DENND1A: variants seen among roughly 807,000 people sequenced by gnomAD.
DENND1A encodes the protein DENN domain-containing protein 1A.
DENND1A carries 51 observed loss-of-function variants against 113.7 expected under a neutral mutation model. The observed-to-expected ratio is 0.45, with a 90% CI of 0.36 to 0.57. The LOEUF (loss-of-function observed/expected upper bound fraction) is 0.57. DENND1A is among the 20% of genes least tolerant of loss of function. The pLI, the probability that DENND1A is intolerant of heterozygous loss-of-function variation, is 0.00. For missense variants in DENND1A, 1,258 were observed against 1,395.9 expected, an observed-to-expected ratio of 0.90 and a Z score of 1.57; for synonymous variants, 565 against 570.8, an observed-to-expected ratio of 0.99 and a Z score of 0.14.
intron 10 of DENND1A, among the ~76,000 whole-genome samples, chr9:123,622,313 A>C (rs2061002293): frequency 6.6e-6 from 1 of 152,248 alleles, no homozygotes; most frequent in African/African-American, 2.4e-5. Flanking sequence ...ATTCAAGTTG[A>C]GAATTGATTT....
chr9:123,909,171 G>A (rs1401892746), intron 1 of DENND1A, among the ~76,000 whole-genome samples: 1 of 152,010 alleles, frequency 6.6e-6, no homozygotes, highest in Non-Finnish European at 1.5e-5. Flanking sequence ...ACACAGGAAG[G>A]GGAATATCAC....
chr9:123,742,261 A>C (rs2131114987), intron 5 of DENND1A, among the ~76,000 whole-genome samples: 1 of 151,758 alleles, frequency 6.6e-6, no homozygotes, highest in African/African-American at 2.4e-5. Context: ...GGCTATGCTT[A>C]GATTGGAGCT....
At chr9:123,878,665 T>C (rs774377854) in intron 2 of DENND1A, among the ~76,000 whole-genome samples, 15 of 152,176 alleles carry the variant, frequency 9.9e-5, no homozygotes, top group East Asian at 1.9e-4. Flanking sequence ...TCACACTAAA[T>C]AGTTGACTTC....
intron 19 of DENND1A, chr9:123,414,619 G>C: frequency 6.5e-7 from 1 of 1,549,870 alleles, no homozygotes; most frequent in African/African-American, 1.4e-5. Flanking sequence ...GGTGAGTCTT[G>C]CAAGAAAAAA....
At chr9:123,908,783 A>G (rs954663140) in intron 1 of DENND1A, among the ~76,000 whole-genome samples, 11 of 152,190 alleles carry the variant, frequency 7.2e-5, no homozygotes, top group African/African-American at 2.7e-4. Context: ...TGTGGAAGTC[A>G]GTGTGGAGAT....
At chr9:123,758,585 A>G (rs2070771644) in intron 4 of DENND1A, among the ~76,000 whole-genome samples, 1 of 152,192 alleles carries the variant, frequency 6.6e-6, no homozygotes, top group Admixed American at 6.5e-5. Context: ...TTTATGAGAA[A>G]CATATTTCCT....
chr9:123,693,413 A>G (rs781708484), intron 5 of DENND1A, among the ~76,000 whole-genome samples: 7 of 152,190 alleles, frequency 4.6e-5, no homozygotes, highest in Non-Finnish European at 8.8e-5. Flanking sequence ...GAACACTTCC[A>G]TCACACCCCA....
intron 10 of DENND1A, among the ~76,000 whole-genome samples, chr9:123,616,256 C>CA (rs1038658650): frequency 6.6e-6 from 1 of 152,192 alleles, no homozygotes; most frequent in Admixed American, 6.5e-5. Flanking sequence ...AAGGTATTCT[C>CA]AAAAACGTGC....
intron 3 of DENND1A, among the ~76,000 whole-genome samples, chr9:123,789,644 C>T (rs780470227): frequency 2.6e-5 from 4 of 152,260 alleles, no homozygotes; most frequent in South Asian, 4.1e-4. Flanking sequence ...TCCGGGACCA[C>T]AGATTTGTAA....
chr9:123,821,787 A>G (rs1167345077), intron 2 of DENND1A, among the ~76,000 whole-genome samples: 1 of 152,224 alleles, frequency 6.6e-6, no homozygotes, highest in Non-Finnish European at 1.5e-5. Context: ...TATGCAGAGG[A>G]CAAGCACACA....
At chr9:123,404,088 G>C (rs1307136901) in intron 20 of DENND1A, among the ~76,000 whole-genome samples, 1 of 152,162 alleles carries the variant, frequency 6.6e-6, no homozygotes, top group East Asian at 1.9e-4. Flanking sequence ...TGCCCATCTT[G>C]TGTAGCTACA....
At chr9:123,925,767 G>A (rs981885455) in intron 1 of DENND1A, among the ~76,000 whole-genome samples, 4 of 152,148 alleles carry the variant, frequency 2.6e-5, no homozygotes, top group Admixed American at 2.6e-4. Flanking sequence ...AGTTTGACAG[G>A]GACAGAAGAC....
chr9:123,888,192 G>A (rs1354256474), intron 1 of DENND1A, among the ~76,000 whole-genome samples: 1 of 152,134 alleles, frequency 6.6e-6, no homozygotes, highest in African/African-American at 2.4e-5. Context: ...GTGCCAGGAA[G>A]CAAAGAAGTG....
rs2050281911 is a variant in DENND1A, at chr9:123,480,904, C to T, written c.994-23007G>A. ...GGATACCAAGATAGTTTCAAACAGA[C>T]ATACACTGTCCCAGAATTCTTCCTG... On this transcript the variant is annotated intron_variant, in intron 13 of 23. Coordinates refer to ENST00000394215, the MANE Select transcript of DENND1A (RefSeq NM_001352964.2). Among the ~76,000 whole-genome samples, 4 of 152,248 alleles carry T rather than the reference C, an allele frequency of 2.6e-5. No individual in the cohort carries two copies. The South Asian group carries it at 6.2e-4, about 24-fold the overall frequency.
At chr9:123,607,280 G>T (rs2060196403) in intron 11 of DENND1A, among the ~76,000 whole-genome samples, 1 of 151,610 alleles carries the variant, frequency 6.6e-6, no homozygotes, top group Non-Finnish European at 1.5e-5. Flanking sequence ...AAAGCAAAGT[G>T]TCAATGAAGG....
rs1316920067 is a variant in DENND1A, at chr9:123,749,043, G to A, written c.302+8660C>T. ...ATGTGACTCCTTGACACTAACCAGG[G>A]GCTACTGAGTCTTGAAAAAACATTA... On this transcript the variant is annotated intron_variant, in intron 5 of 23. Coordinates refer to ENST00000394215, the MANE Select transcript of DENND1A (RefSeq NM_001352964.2). 5.3e-5 allele frequency among the ~76,000 whole-genome samples: 8 copies of A among 152,240 alleles called. No individual in the cohort carries two copies. In the East Asian group the frequency reaches 7.7e-4, roughly 15 times the overall value.
intron 5 of DENND1A, among the ~76,000 whole-genome samples, chr9:123,743,998 G>T (rs2069247896): frequency 6.6e-6 from 1 of 152,246 alleles, no homozygotes; most frequent in Middle Eastern, 3.4e-3. Context: ...GGTAGCTAAA[G>T]TACTGCCGTT....
intron 1 of DENND1A, among the ~76,000 whole-genome samples, chr9:123,919,769 C>G (rs1442188545): frequency 1.3e-5 from 2 of 151,308 alleles, no homozygotes; most frequent in African/African-American, 2.4e-5. Context: ...GTAATCCCAG[C>G]TACTGGGGTG....
At chr9:123,795,391 G>T (rs1330306115) in intron 2 of DENND1A, among the ~76,000 whole-genome samples, 3 of 152,044 alleles carry the variant, frequency 2.0e-5, no homozygotes, top group Admixed American at 1.3e-4. Flanking sequence ...CCAAAATATC[G>T]ACATTGGAAA....
Sources: gnomAD v4.1 joint callset for allele counts (sites outside exome capture counted in the v4.1 genomes callset) on GRCh38, gnomAD v4.1.1 for gene constraint, MANE v1.5 for transcripts, NCBI Gene and HGNC (gene_info 2026-07-23, HGNC 2026-07-21) for gene names.